The following TUSC3 variants were observed in gnomAD, a reference collection of about 807,000 sequenced individuals.
TUSC3 encodes tumor suppressor candidate 3, also known as dolichyl-diphosphooligosaccharide--protein glycosyltransferase subunit TUSC3.
A neutral mutation model predicts 44.8 loss-of-function variants in TUSC3; 45 were observed. The observed-to-expected ratio is 1.00, with a 90% CI of 0.79 to 1.29. The LOEUF (loss-of-function observed/expected upper bound fraction) is 1.29. TUSC3 is among the 50% of genes most tolerant of loss of function. TUSC3 has a pLI of 0.00. For missense variants in TUSC3, 519 were observed against 437.9 expected (o/e 1.19, Z -1.65); for synonymous variants, 212 against 152.9 (o/e 1.39, Z -2.85).
At chr8:15,806,549 A>T in the TUSC3 span, 5 of 1,433,762 alleles carry the variant, frequency 3.5e-6, no homozygotes, top group East Asian at 1.1e-4. Context: ...AAAATCACAG[A>T]GCTCTTCATT....
At chr8:15,653,805 T>A (rs867343845) in intron 3 of TUSC3, among the ~76,000 whole-genome samples, 2 of 152,246 alleles carry the variant, frequency 1.3e-5, no homozygotes, top group Non-Finnish European at 2.9e-5. Context: ...AATCATATTT[T>A]GCTGAAGTAC....
At chr8:15,712,302 A>T (rs1809887248) in intron 6 of TUSC3, among the ~76,000 whole-genome samples, 1 of 151,896 alleles carries the variant, frequency 6.6e-6, no homozygotes, top group Non-Finnish European at 1.5e-5. Flanking sequence ...CTTTTAGCAA[A>T]CTATCTTTGT....
intron 2 of TUSC3, among the ~76,000 whole-genome samples, chr8:15,518,265 T>C (rs1474604582): frequency 6.6e-6 from 1 of 152,174 alleles, no homozygotes; most frequent in East Asian, 1.9e-4. Context: ...TACCGTATCT[T>C]TTCATCAAAA....
At chr8:15,451,305 C>T (rs1468979677) in intron 1 of TUSC3, among the ~76,000 whole-genome samples, 1 of 152,104 alleles carries the variant, frequency 6.6e-6, no homozygotes, top group Non-Finnish European at 1.5e-5. Context: ...TTTCTGTATG[C>T]TAATGAGGTG....
intron 1 of TUSC3, among the ~76,000 whole-genome samples, chr8:15,429,601 C>T (rs1353150026): frequency 1.3e-5 from 2 of 151,536 alleles, no homozygotes; most frequent in South Asian, 2.1e-4. Context: ...TTCTTCCTAC[C>T]CATGAACATG....
chr8:15,667,145 A>G (rs990903295), intron 5 of TUSC3, among the ~76,000 whole-genome samples: 1 of 151,632 alleles, frequency 6.6e-6, no homozygotes, highest in African/African-American at 2.4e-5. Context: ...ATCCAACTCA[A>G]TAGTGGTTAT....
At chr8:15,565,690 T>C (rs112579494) in intron 1 of TUSC3, among the ~76,000 whole-genome samples, 3,170 of 152,236 alleles carry the variant, frequency 0.021, 96 homozygotes, top group African/African-American at 0.066. Context: ...AATACTTTCA[T>C]GCTTGGAACA....
chr8:15,577,363 T>G lies in TUSC3; in HGVS notation c.138+36795T>G, dbSNP rs561721321. Among the ~76,000 whole-genome samples, 67 of 151,928 alleles carry G rather than the reference T, an allele frequency of 4.4e-4. 1 individual carries two copies. The highest frequency in any genetic ancestry group is 1.3e-3 in the African/African-American group (55 of 41,502). Reference sequence around the variant, plus strand: ...TGGCTTTTGTTGCCATTGCTTTTGGTGTTTTGGACATGAAGTCCTTGCCCA... The same window carrying G: ...TGGCTTTTGTTGCCATTGCTTTTGGGGTTTTGGACATGAAGTCCTTGCCCA... On this transcript the variant is annotated intron_variant, in intron 1 of 10. Coordinates refer to ENST00000503731, the MANE Select transcript of TUSC3 (RefSeq NM_006765.4).
chr8:15,693,201 T>C (rs932381394), intron 6 of TUSC3, among the ~76,000 whole-genome samples: 2 of 152,240 alleles, frequency 1.3e-5, no homozygotes, highest in African/African-American at 4.8e-5. Flanking sequence ...GTCATCCTAC[T>C]GTTAGCTGGT....
the TUSC3 span, among the ~76,000 whole-genome samples, chr8:15,782,145 A>T: frequency 6.6e-6 from 1 of 152,174 alleles, no homozygotes; most frequent in Non-Finnish European, 1.5e-5. Context: ...AAAAAAAGAA[A>T]AACTACAAAC....
intron 4 of TUSC3, among the ~76,000 whole-genome samples, chr8:15,660,612 A>G (rs553423688): frequency 3.9e-5 from 6 of 152,028 alleles, no homozygotes; most frequent in East Asian, 1.9e-4. Flanking sequence ...ATATAAACAC[A>G]TTTGTTCTGA....
chr8:15,512,651 T>C (rs1055240533), intron 2 of TUSC3, among the ~76,000 whole-genome samples: 38 of 151,984 alleles, frequency 2.5e-4, no homozygotes, highest in Non-Finnish European at 4.4e-4. Flanking sequence ...TACACACCTA[T>C]AATTCCAGCT....
intron 1 of TUSC3, among the ~76,000 whole-genome samples, chr8:15,594,531 T>C (rs1803985464): frequency 6.6e-6 from 1 of 152,252 alleles, no homozygotes; most frequent in Admixed American, 6.5e-5. Context: ...CTGGCTGTGA[T>C]GCAAGCAAGT....
chr8:15,846,642 A>C, the TUSC3 span, among the ~76,000 whole-genome samples: 307 of 152,198 alleles, frequency 2.0e-3, 2 homozygotes, highest in African/African-American at 7.1e-3. Flanking sequence ...TCACTCACTC[A>C]TAAGTGGGAA....
chr8:15,797,657 G>C, the TUSC3 span, among the ~76,000 whole-genome samples: 1 of 152,178 alleles, frequency 6.6e-6, no homozygotes, highest in Non-Finnish European at 1.5e-5. Context: ...TGGCAGGGAA[G>C]TTTAGGCAAC....
intron 2 of TUSC3, among the ~76,000 whole-genome samples, chr8:15,483,952 T>A (rs2129124929): frequency 6.6e-6 from 1 of 152,156 alleles, no homozygotes; most frequent in East Asian, 1.9e-4. Flanking sequence ...CCACCGCGCC[T>A]GGCCTGTGAT....
At chr8:15,767,649 T>C (rs1340323472), downstream of TUSC3, among the ~76,000 whole-genome samples, 2 of 152,124 alleles carry the variant, frequency 1.3e-5, no homozygotes, top group Admixed American at 6.6e-5. Context: ...TTATGTGGGT[T>C]CCTGGCTTTG....
chr8:15,595,255 G>T (rs545636440), intron 1 of TUSC3, among the ~76,000 whole-genome samples: 3 of 152,242 alleles, frequency 2.0e-5, no homozygotes, highest in African/African-American at 7.2e-5. Context: ...CATAGGATTT[G>T]ATCAGCACTC....
intron 2 of TUSC3, among the ~76,000 whole-genome samples, chr8:15,488,668 T>G (rs960517162): frequency 6.6e-6 from 1 of 152,130 alleles, no homozygotes; most frequent in African/African-American, 2.4e-5. Context: ...ATGATGAGAT[T>G]AGTGTCTTTA....
Sources: allele counts gnomAD v4.1 joint callset (sites outside exome capture counted in the v4.1 genomes callset), GRCh38; gene constraint gnomAD v4.1.1; transcripts MANE v1.5; gene names NCBI Gene and HGNC (gene_info 2026-07-23, HGNC 2026-07-21).